Variants in CAMTA1 observed in about 807,000 individuals in gnomAD.
CAMTA1 encodes the protein calmodulin-binding transcription activator 1.
Under a neutral mutation model 170.9 loss-of-function variants are expected in CAMTA1, and 27 were observed. That is an observed-to-expected ratio of 0.16 (90% CI 0.12 to 0.22). The LOEUF (loss-of-function observed/expected upper bound fraction) is 0.22, where lower values mean the gene tolerates loss of function less well. CAMTA1 is among the 10% of genes least tolerant of loss of function. CAMTA1 has a pLI of 1.00. For synonymous variants in CAMTA1, 833 were observed against 891.5 expected, an observed-to-expected ratio of 0.93 and a Z score of 1.17; for missense variants, 1,619 against 2,217.2, an observed-to-expected ratio of 0.73 and a Z score of 5.42.
chr1:7,206,770 A>G (rs967699825), intron 4 of CAMTA1, among the ~76,000 whole-genome samples: 3 of 152,216 alleles, frequency 2.0e-5, no homozygotes, highest in Admixed American at 6.5e-5. Flanking sequence ...ATTTTTACCA[A>G]CATTAGCTAT....
intron 18 of CAMTA1, 45 bp downstream of exon 18, chr1:7,746,136 G>A: frequency 6.3e-7 from 1 of 1,591,352 alleles, no homozygotes. Context: ...CTTAAGATCA[G>A]AGAGGACAGA....
intron 3 of CAMTA1, among the ~76,000 whole-genome samples, chr1:6,980,906 C>T (rs1694326929): frequency 6.6e-6 from 1 of 152,180 alleles, no homozygotes; most frequent in Non-Finnish European, 1.5e-5. Context: ...CAGCAAGTCA[C>T]AGAGGATACG....
chr1:7,053,974 G>C (rs1706887305), intron 3 of CAMTA1, among the ~76,000 whole-genome samples: 1 of 152,204 alleles, frequency 6.6e-6, no homozygotes, highest in African/African-American at 2.4e-5. Context: ...CCCATTTTGG[G>C]GACTTGCTGC....
intron 6 of CAMTA1, among the ~76,000 whole-genome samples, chr1:7,493,398 C>T (rs538002805): frequency 7.3e-5 from 11 of 150,364 alleles, no homozygotes; most frequent in African/African-American, 2.5e-4. Flanking sequence ...CACGTGCACA[C>T]ACACAAAAAC....
intron 22 of CAMTA1, among the ~76,000 whole-genome samples, chr1:7,763,229 T>A (rs1485784388): frequency 6.6e-6 from 1 of 152,256 alleles, no homozygotes; most frequent in Non-Finnish European, 1.5e-5. Flanking sequence ...TGGAATTTAA[T>A]ACTTTTTCTC....
At position 7,472,467 on chromosome 1, in the gene CAMTA1, G is replaced by T. The variant is rs79603653; in HGVS notation, c.510+4566G>T. Reference sequence around the variant, plus strand: ...TCCACCACGCACCACACTTCACCTGGGAGAAAACAGCCTCCGAGAAGCTCC... The same window carrying T: ...TCCACCACGCACCACACTTCACCTGTGAGAAAACAGCCTCCGAGAAGCTCC... On this transcript the variant is annotated intron_variant, in intron 6 of 22. Coordinates refer to ENST00000303635, the MANE Select transcript of CAMTA1 (RefSeq NM_015215.4). Among the ~76,000 whole-genome samples, 589 of 152,214 alleles carry T rather than the reference G, an allele frequency of 3.9e-3. 3 individuals carry two copies. The highest frequency in any genetic ancestry group is 0.013 in the African/African-American group (557 of 41,516).
chr1:7,141,726 T>A (rs1237289563), intron 4 of CAMTA1, among the ~76,000 whole-genome samples: 1 of 152,170 alleles, frequency 6.6e-6, no homozygotes, highest in Non-Finnish European at 1.5e-5. Context: ...ATTATGAATA[T>A]TTTATTACTC....
chr1:7,562,434 A>G lies in CAMTA1; in HGVS notation c.511-77966A>G, dbSNP rs2094970223. On this transcript the variant is annotated intron_variant, in intron 6 of 22. Transcript: ENST00000303635. This position sits in a 1 kb window ranked among gnomAD's most constrained non-coding sequence, Gnocchi z 4.8. ...GCTAATTTAAGCTTTGTTTGCTGCG[A>G]TGCTGGAACTTCTGCCTGGCTCTCC... Among the ~76,000 whole-genome samples, 1 of 152,238 alleles carries G rather than the reference A, an allele frequency of 6.6e-6. No homozygotes were observed. The highest frequency in any genetic ancestry group is 2.1e-4 in the South Asian group (1 of 4,816).
intron 3 of CAMTA1, among the ~76,000 whole-genome samples, chr1:6,897,061 G>T (rs1022479064): frequency 3.3e-5 from 5 of 152,174 alleles, no homozygotes; most frequent in African/African-American, 4.8e-5. Flanking sequence ...CAATTCATTA[G>T]ACTAGTTTTA....
intron 5 of CAMTA1, among the ~76,000 whole-genome samples, chr1:7,417,196 G>C (rs1243489101): frequency 6.6e-6 from 1 of 152,254 alleles, no homozygotes; most frequent in East Asian, 1.9e-4. Context: ...ACTGGGGGGT[G>C]CCTCCCAGTT....
rs965954266 is a variant in CAMTA1 at position 7,435,084 on chromosome 1, G to T, written c.439-32746G>T. Among the ~76,000 whole-genome samples, 34 of 152,064 alleles carry T rather than the reference G, an allele frequency of 2.2e-4. No homozygotes were observed. The highest frequency in any genetic ancestry group is 5.0e-4 in the Non-Finnish European group (34 of 68,014). On this transcript the variant is annotated intron_variant, in intron 5 of 22. Transcript: ENST00000303635. The surrounding 1 kb of genome is among the most constrained non-coding windows in gnomAD (Gnocchi z 4.4). Reference sequence around the variant, plus strand: ...AAAAAGAAAAAAAAGAAGGCAGAGGGCATGCTAGCTGAATGCTGCCTGAAG... The same window carrying T: ...AAAAAGAAAAAAAAGAAGGCAGAGGTCATGCTAGCTGAATGCTGCCTGAAG...
At chr1:7,653,760 C>G (rs971379869) in intron 7 of CAMTA1, among the ~76,000 whole-genome samples, 1 of 152,072 alleles carries the variant, frequency 6.6e-6, no homozygotes, top group Admixed American at 6.5e-5. Flanking sequence ...CACTCATTCA[C>G]TCTACCAGCC....
At chr1:7,687,888 C>T (rs2096272146) in intron 11 of CAMTA1, among the ~76,000 whole-genome samples, 1 of 152,202 alleles carries the variant, frequency 6.6e-6, no homozygotes, top group Non-Finnish European at 1.5e-5. Flanking sequence ...AGCTCCAGGG[C>T]CCTGACCACT....
chr1:7,425,031 C>A (rs554021007), intron 5 of CAMTA1, among the ~76,000 whole-genome samples: 1 of 152,154 alleles, frequency 6.6e-6, no homozygotes, highest in African/African-American at 2.4e-5. Flanking sequence ...GCCCTTAGAC[C>A]TGAGAGCACT....
intron 6 of CAMTA1, among the ~76,000 whole-genome samples, chr1:7,539,057 C>T (rs937822277): frequency 2.6e-5 from 4 of 152,224 alleles, no homozygotes; most frequent in African/African-American, 7.2e-5. Flanking sequence ...AACAGCCTGC[C>T]ACCCTCAGGG....
rs899696953 is a variant in CAMTA1 at position 6,918,523 on chromosome 1, A to G, written c.234+93313A>G. Among the ~76,000 whole-genome samples, 1 of 152,232 alleles carries G rather than the reference A, an allele frequency of 6.6e-6. No homozygotes were observed. Among genetic ancestry groups the G allele is most frequent in the African/African-American group, 2.4e-5 (1 of 41,458 alleles). On this transcript the variant is annotated intron_variant, in intron 3 of 22. Coordinates refer to ENST00000303635, the MANE Select transcript of CAMTA1 (RefSeq NM_015215.4). The surrounding 1 kb of genome is among the most constrained non-coding windows in gnomAD (Gnocchi z 4.0). ...CATATAAATGTCTCGGCTTTACTGT[A>G]CTATTTGTGCTTGAGAAATACTGTG...
chr1:7,741,074 A>ACT (rs1392732465), intron 16 of CAMTA1, among the ~76,000 whole-genome samples: 7 of 152,174 alleles, frequency 4.6e-5, no homozygotes, highest in Non-Finnish European at 8.8e-5. Context: ...TTAGGAAGGG[A>ACT]CTCTTTAAAT....
rs777139527 is a variant in CAMTA1, at chr1:7,510,346, C to T, written c.510+42445C>T. Among the ~76,000 whole-genome samples, 11 of 145,404 alleles carry T rather than the reference C, an allele frequency of 7.6e-5. 1 individual carries two copies. Among genetic ancestry groups the T allele is most frequent in the Non-Finnish European group, 1.7e-4 (11 of 64,842 alleles). ...AATGGCTGTTTTGTTCAGCGATTCCCAGGCTGGCATTGGAGGGTCCATCCC... is the reference window on the plus strand; with the variant it reads ...AATGGCTGTTTTGTTCAGCGATTCCTAGGCTGGCATTGGAGGGTCCATCCC... On this transcript the variant is annotated intron_variant, in intron 6 of 22. Transcript: ENST00000303635.
chr1:7,419,454 G>A (rs950184551), intron 5 of CAMTA1, among the ~76,000 whole-genome samples: 3 of 152,162 alleles, frequency 2.0e-5, no homozygotes, highest in African/African-American at 7.2e-5. Flanking sequence ...ACCATGCCCA[G>A]CCCCAATCTC....
Sources: gnomAD v4.1 joint callset for allele counts (sites outside exome capture counted in the v4.1 genomes callset) on GRCh38, gnomAD v4.1.1 for gene constraint, Gnocchi (gnomAD v3.1) non-coding constraint, MANE v1.5 for transcripts, NCBI Gene and HGNC (gene_info 2026-07-23, HGNC 2026-07-21) for gene names.